KCNMA1: variants seen among roughly 807,000 people sequenced by gnomAD.
KCNMA1 encodes the protein Calcium-activated potassium channel subunit alpha-1.
Under a neutral mutation model 140.0 loss-of-function variants are expected in KCNMA1, and 29 were observed. That is an observed-to-expected ratio of 0.21 (90% CI 0.15 to 0.28). The LOEUF (loss-of-function observed/expected upper bound fraction) is 0.28. Ranked by LOEUF, KCNMA1 falls within the 10% of genes least tolerant of loss-of-function variation. The pLI is 1.00. For missense variants in KCNMA1, 880 were observed against 1,602.2 expected (o/e 0.55, Z 7.70); for synonymous variants, 612 against 611.9 (o/e 1.00, Z 0.00).
chr10:77,230,915 G>C (rs1160863445), intron 3 of KCNMA1, among the ~76,000 whole-genome samples: 1 of 152,066 alleles, frequency 6.6e-6, no homozygotes, highest in Non-Finnish European at 1.5e-5. Flanking sequence ...ATTTGCTTCT[G>C]CTTGAAGTGA....
intron 19 of KCNMA1, among the ~76,000 whole-genome samples, chr10:76,992,664 CT>C (rs2153351096): frequency 6.6e-6 from 1 of 152,268 alleles, no homozygotes; most frequent in Non-Finnish European, 1.5e-5. Context: ...GACTCAAGTG[CT>C]TTTCCATGCA....
rs367717935 is a variant in KCNMA1 at position 77,588,398 on chromosome 10, T to C, written c.378+48867A>G. Among the ~76,000 whole-genome samples the C allele has an allele frequency of 1.9e-4, 29 of 152,184 alleles. No homozygotes were observed. The South Asian group carries it at 6.0e-3, about 32-fold the overall frequency. On this transcript the variant is annotated intron_variant, in intron 1 of 27. Coordinates refer to ENST00000286628, the MANE Select transcript of KCNMA1 (RefSeq NM_001161352.2). ...AAGGCTGCCCTAGAGGATTGAGAGA[T>C]CAAGACAGACAGGTAGGTCTGGAGT... is the stretch of plus-strand genomic sequence containing the variant.
intron 22 of KCNMA1, among the ~76,000 whole-genome samples, chr10:76,947,861 A>G (rs139254327): frequency 6.6e-6 from 1 of 152,314 alleles, no homozygotes; most frequent in African/African-American, 2.4e-5. Flanking sequence ...TCTTTAATGA[A>G]TTATATTACT....
chr10:77,527,362 T>C (rs1022415619), intron 1 of KCNMA1, among the ~76,000 whole-genome samples: 2 of 152,204 alleles, frequency 1.3e-5, no homozygotes, highest in Admixed American at 6.5e-5. Context: ...TTTCAACAAG[T>C]AGTTAATTCC....
chr10:77,439,341 A>G (rs1340912148), intron 1 of KCNMA1, among the ~76,000 whole-genome samples: 2 of 152,230 alleles, frequency 1.3e-5, no homozygotes. Context: ...CCTAGAAAGT[A>G]CGTTAGAGGT....
chr10:77,104,234 C>T (rs1240676621), intron 9 of KCNMA1, among the ~76,000 whole-genome samples: 2 of 152,186 alleles, frequency 1.3e-5, no homozygotes, highest in African/African-American at 4.8e-5. Flanking sequence ...CTTTAGGCTG[C>T]ACTGATTCAC....
At chr10:77,594,297 T>C (rs1307494135) in intron 1 of KCNMA1, among the ~76,000 whole-genome samples, 3 of 152,162 alleles carry the variant, frequency 2.0e-5, no homozygotes, top group African/African-American at 7.2e-5. Context: ...CTTCCTTTCT[T>C]GCCACACTCT....
At chr10:77,524,751 C>T (rs2054915958) in intron 1 of KCNMA1, among the ~76,000 whole-genome samples, 1 of 152,132 alleles carries the variant, frequency 6.6e-6, no homozygotes, top group Non-Finnish European at 1.5e-5. Context: ...CAGCTACCTC[C>T]CCACTCACAT....
chr10:77,501,902 A>G (rs552608937), intron 1 of KCNMA1, among the ~76,000 whole-genome samples: 133 of 152,324 alleles, frequency 8.7e-4, no homozygotes, highest in African/African-American at 3.0e-3. Flanking sequence ...CCACTCATAA[A>G]GATGCAGTTC....
At chr10:76,920,239 G>C (rs987525571) in intron 23 of KCNMA1, among the ~76,000 whole-genome samples, 6 of 151,142 alleles carry the variant, frequency 4.0e-5, no homozygotes, top group African/African-American at 1.5e-4. Flanking sequence ...GACCTAAACT[G>C]GTTAATAATT....
chr10:77,410,717 A>G (rs1172058158), intron 1 of KCNMA1, among the ~76,000 whole-genome samples: 2 of 152,090 alleles, frequency 1.3e-5, no homozygotes, highest in African/African-American at 4.8e-5. Context: ...TCCACTTCAG[A>G]TGCAATGGCC....
At chr10:76,874,722 A>G (rs1214977977), downstream of KCNMA1, 1 of 152,236 alleles carries the variant, frequency 6.6e-6, no homozygotes, top group African/African-American at 2.4e-5. Context: ...CTTGGGAGGA[A>G]AGATTGGAAT....
At chr10:77,136,317 G>T (rs755571140) in intron 5 of KCNMA1, among the ~76,000 whole-genome samples, 16 of 152,110 alleles carry the variant, frequency 1.1e-4, no homozygotes, top group Non-Finnish European at 2.1e-4. Context: ...CTCAAAGATT[G>T]TAACAAGGAA....
At chr10:77,341,312 T>C (rs1427960597) in intron 2 of KCNMA1, among the ~76,000 whole-genome samples, 1 of 152,258 alleles carries the variant, frequency 6.6e-6, no homozygotes, top group East Asian at 1.9e-4. Context: ...TTTCCCTTTC[T>C]GGGTCTAAGT....
chr10:77,604,688 C>T (rs1302971399), intron 1 of KCNMA1, among the ~76,000 whole-genome samples: 2 of 151,928 alleles, frequency 1.3e-5, no homozygotes, highest in Non-Finnish European at 2.9e-5. Context: ...CCCCATCCCC[C>T]GCCCCCCAAA....
chr10:77,030,268 C>T (rs181468372), intron 15 of KCNMA1, among the ~76,000 whole-genome samples: 1 of 152,190 alleles, frequency 6.6e-6, no homozygotes, highest in Admixed American at 6.5e-5. Flanking sequence ...CACACATATC[C>T]AACTACAGCT....
chr10:77,518,462 G>A (rs1331300594), intron 1 of KCNMA1, among the ~76,000 whole-genome samples: 1 of 152,148 alleles, frequency 6.6e-6, no homozygotes, highest in Admixed American at 6.5e-5. Flanking sequence ...ATACTCTCAG[G>A]CAAGTGATAC....
intron 2 of KCNMA1, among the ~76,000 whole-genome samples, chr10:77,258,451 T>C (rs2061276244): frequency 6.6e-6 from 1 of 152,132 alleles, no homozygotes; most frequent in African/African-American, 2.4e-5. Flanking sequence ...CTGCCATCAC[T>C]ACAGAAAATT....
intron 9 of KCNMA1, among the ~76,000 whole-genome samples, chr10:77,097,826 ATCT>A (rs1403345904): frequency 1.3e-5 from 2 of 152,276 alleles, no homozygotes; most frequent in East Asian, 1.9e-4. Flanking sequence ...GAATAAAGTA[ATCT>A]TCTTCTCCAG....
Sources: allele counts gnomAD v4.1 joint callset (sites outside exome capture counted in the v4.1 genomes callset), GRCh38; gene constraint gnomAD v4.1.1; transcripts MANE v1.5; gene names NCBI Gene and HGNC (gene_info 2026-07-23, HGNC 2026-07-21).